Variants in MPDZ observed in about 807,000 individuals in gnomAD.
The protein encoded by MPDZ is multiple PDZ domain protein.
MPDZ carries 234 observed loss-of-function variants against 239.1 expected under a neutral mutation model. The observed-to-expected ratio is 0.98, with a 90% confidence interval of 0.88 to 1.09. The LOEUF (loss-of-function observed/expected upper bound fraction) is 1.09. Ranked by LOEUF, MPDZ falls within the 50% of genes least tolerant of loss-of-function variation. The probability of loss-of-function intolerance (pLI) is 0.00; values close to 1 mark genes in which losing one functional copy is unlikely to be tolerated. For missense variants in MPDZ, 3,175 were observed against 2,510.0 expected, an observed-to-expected ratio of 1.26 and a Z score of -5.66; for synonymous variants, 1,048 against 881.3, an observed-to-expected ratio of 1.19 and a Z score of -3.35.
rs968300013 is a variant in MPDZ, at chr9:13,165,426, C to A, written c.3255-2631G>T. 9.0e-6 allele frequency: 14 copies of A among 1,548,200 alleles called. No individual in the cohort carries two copies. In the Admixed American group the frequency reaches 2.8e-4, roughly 31 times the overall value. ...CAGAAAATCTAGAATGTGAAGCATA[C>A]GCCGCGGCATCTTTTTACAATGGTG... On this transcript the variant is annotated intron_variant, in intron 22 of 46. Transcript: ENST00000319217.
Position 13,250,326 on chromosome 9 carries a change from G to A in MPDZ, c.-11C>T. The A allele has an allele frequency of 6.3e-7, 1 of 1,586,060 alleles. No individual in the cohort carries two copies. The highest frequency in any genetic ancestry group is 8.6e-7 in the Non-Finnish European group (1 of 1,164,810). On this transcript the variant is annotated 5_prime_UTR_variant, in exon 2 of 47. Coordinates refer to ENST00000319217, the MANE Select transcript of MPDZ (RefSeq NM_001378778.1). ...AATGGCTTCCAACATTTTTTTCAAA[G>A]TTCAGTGTTCTTCTCTGAAATGATT...
intron 24 of MPDZ, among the ~76,000 whole-genome samples, chr9:13,155,945 T>A (rs1197033682): frequency 6.6e-6 from 1 of 152,166 alleles, no homozygotes; most frequent in East Asian, 1.9e-4. Context: ...GTTAGCACCT[T>A]TAGAGCTATC....
In MPDZ at chr9:13,113,007, T is replaced by C. The variant is rs544272098; in HGVS notation, c.5601+4A>G. 277 of 1,582,606 alleles carry C rather than the reference T, an allele frequency of 1.8e-4. No individual in the cohort carries two copies. The highest frequency in any genetic ancestry group is 2.3e-4 in the Non-Finnish European group (267 of 1,161,946). On this transcript the variant is annotated splice_donor_region_variant and intron_variant, in intron 42 of 46. Coordinates refer to ENST00000319217, the MANE Select transcript of MPDZ (RefSeq NM_001378778.1). ...GTTTATATTGTTTTCTCTCCCCAAG[T>C]TACCTTTTTCATTTCGACTGTTCTT...
chr9:13,133,762 T>C (rs1479217169), intron 32 of MPDZ, 62 bp downstream of exon 32: 2 of 1,199,826 alleles, frequency 1.7e-6, no homozygotes, highest in Non-Finnish European at 2.4e-6. Context: ...GAGAACACAG[T>C]GAATTAGAAC....
intron 10 of MPDZ, among the ~76,000 whole-genome samples, chr9:13,208,679 AATATAT>A (rs1393149327): frequency 6.7e-6 from 1 of 149,338 alleles, no homozygotes; most frequent in Non-Finnish European, 1.5e-5. Flanking sequence ...ATATATATAT[AATATAT>A]ATAACAACAA....
intron 42 of MPDZ, among the ~76,000 whole-genome samples, chr9:13,112,347 A>C (rs1407110013): frequency 6.6e-6 from 1 of 152,230 alleles, no homozygotes; most frequent in Non-Finnish European, 1.5e-5. Context: ...TTCAGGAAGT[A>C]AAATAAATCA....
intron 3 of MPDZ, among the ~76,000 whole-genome samples, chr9:13,237,115 T>G (rs1351184189): frequency 6.6e-6 from 1 of 152,008 alleles, no homozygotes; most frequent in Non-Finnish European, 1.5e-5. Flanking sequence ...ATCTTGACCC[T>G]CAAGAACATG....
chr9:13,173,618 T>A (rs1007364804), intron 21 of MPDZ, among the ~76,000 whole-genome samples: 1 of 151,722 alleles, frequency 6.6e-6, no homozygotes, highest in Non-Finnish European at 1.5e-5. Context: ...GGGATGAGAA[T>A]TGCTTGAACT....
chr9:13,136,325 CTTTTTTTTTTTTTT>C, intron 30 of MPDZ, 143 bp from the exon 31 acceptor site: 2 of 154,654 alleles, frequency 1.3e-5, no homozygotes, highest in African/African-American at 6.4e-5. Context: ...CAAACGTTTT[CTTTTTTTTTTTTTT>C]TTTTTTTTTT....
Position 13,175,815 on chromosome 9 carries a change from G to C in MPDZ, c.2992C>G (p.Gln998Glu), listed in dbSNP as rs1952401824. 6.3e-7 allele frequency: 1 copy of C among 1,587,212 alleles called. No homozygotes were observed. Among genetic ancestry groups the C allele is most frequent in the African/African-American group, 1.3e-5 (1 of 74,676 alleles). Residue 998 changes from glutamine to glutamate, a missense_variant, in exon 21 of 47, where the codon CAA (glutamine) becomes GAA (glutamate). By Grantham distance (29) the Gln-to-Glu change is conservative (BLOSUM62 2). Transcript: ENST00000319217. Reference protein sequence around the residue: ...LACNAECVMLQNVSKESFERT... With the variant: ...LACNAECVMLENVSKESFERT... Reference sequence around the variant, plus strand: ...TCAAAAGATTCTTTAGATACATTTTGAAGCATGACACACTCAGCATTACAG... The same window carrying C: ...TCAAAAGATTCTTTAGATACATTTTCAAGCATGACACACTCAGCATTACAG...
Position 13,193,333 on chromosome 9 carries a change from G to C in MPDZ, c.1657-20C>G, listed in dbSNP as rs1232757686. Reference sequence around the variant, plus strand: ...GGCCACCTGAAAAGAAAAAAAAAAAGATCACCACAATTTTTATATTCTTTT... The same window carrying C: ...GGCCACCTGAAAAGAAAAAAAAAAACATCACCACAATTTTTATATTCTTTT... On this transcript the variant is annotated intron_variant, in intron 13 of 46. Transcript: ENST00000319217. 2 of 1,538,608 alleles carry C rather than the reference G, an allele frequency of 1.3e-6. No homozygotes were observed. The highest frequency in any genetic ancestry group is 2.8e-5 in the African/African-American group (2 of 71,850).
At chr9:13,240,842 C>A (rs537035342) in intron 3 of MPDZ, among the ~76,000 whole-genome samples, 1 of 152,062 alleles carries the variant, frequency 6.6e-6, no homozygotes, top group South Asian at 2.1e-4. Context: ...GCCTATTAGT[C>A]TTAAATTTGG....
At chr9:13,198,737 C>CTCTCTCTCTGTG (rs755487892) in intron 12 of MPDZ, among the ~76,000 whole-genome samples, 1 of 69,754 alleles carries the variant, frequency 1.4e-5, no homozygotes, top group East Asian at 4.5e-4. Flanking sequence ...ATCTCTCTCT[C>CTCTCTCTCTGTG]TGTGTGTGTG....
At chr9:13,123,615 T>C (rs922297797) in intron 35 of MPDZ, among the ~76,000 whole-genome samples, 73 of 152,302 alleles carry the variant, frequency 4.8e-4, no homozygotes, top group African/African-American at 1.7e-3. Flanking sequence ...CAGAATTAAA[T>C]TGAACCTCAA....
intron 21 of MPDZ, among the ~76,000 whole-genome samples, chr9:13,174,798 A>C (rs1952242600): frequency 6.6e-6 from 1 of 152,130 alleles, no homozygotes; most frequent in Non-Finnish European, 1.5e-5. Context: ...TTACAACAAC[A>C]CAAATACTAT....
rs1787530825 is a variant in MPDZ, at chr9:13,189,007, A to G, written c.2155-14T>C. 1.2e-6 allele frequency: 2 copies of G among 1,606,668 alleles called. No individual in the cohort carries two copies. Among genetic ancestry groups the G allele is most frequent in the Non-Finnish European group, 1.7e-6 (2 of 1,175,132 alleles). ...ATCAATTGGATCCTGACAGAAGGCA[A>G]AAGGAAAGAGTCAGCTCATTTTACA... On this transcript the variant is annotated splice_polypyrimidine_tract_variant and intron_variant, in intron 16 of 46. Coordinates refer to ENST00000319217, the MANE Select transcript of MPDZ (RefSeq NM_001378778.1).
At position 13,125,236 on chromosome 9, in the gene MPDZ, G is replaced by C; in HGVS notation, c.4787C>G (p.Pro1596Arg). The C allele has an allele frequency of 6.2e-7, 1 of 1,603,760 alleles. No individual in the cohort carries two copies. The highest frequency in any genetic ancestry group is 1.3e-5 in the African/African-American group (1 of 74,704). Residue 1596 changes from proline (P) to arginine (R), a missense_variant, in exon 35 of 47, where the codon CCA becomes CGA. Transcript: ENST00000319217. ...CTTACTTCGGATGGACTCCGGTTCT[G>C]GGGAGCCAGACTGTGGGACCATCAG... ...QSLMVPQSGS[P>R]EPESIRNTSR...
chr9:13,146,804 G>A (rs531139609), intron 26 of MPDZ, among the ~76,000 whole-genome samples: 1 of 151,802 alleles, frequency 6.6e-6, no homozygotes, highest in South Asian at 2.1e-4. Flanking sequence ...TTAAACTCTT[G>A]GCATAATTTT....
intron 13 of MPDZ, among the ~76,000 whole-genome samples, chr9:13,194,552 G>C (rs1238717573): frequency 6.6e-6 from 1 of 152,006 alleles, no homozygotes; most frequent in Non-Finnish European, 1.5e-5. Context: ...GTAGGGTGGT[G>C]GGGGCAAGGG....
Sources: allele counts gnomAD v4.1 joint callset (sites outside exome capture counted in the v4.1 genomes callset), GRCh38; gene constraint gnomAD v4.1.1; transcripts MANE v1.5; gene names NCBI Gene and HGNC (gene_info 2026-07-23, HGNC 2026-07-21).